Variants in ATP5PF observed in about 807,000 individuals in gnomAD.
ATP5PF encodes ATP synthase peripheral stalk subunit F6, mitochondrial.
Under a neutral mutation model 12.0 loss-of-function variants are expected in ATP5PF, and 7 were observed. The ratio of observed to expected loss-of-function variants is 0.58; its 90% CI spans 0.33 to 1.10. ATP5PF has a LOEUF of 1.10. Ranked by LOEUF, ATP5PF falls within the 50% of genes least tolerant of loss-of-function variation. ATP5PF has a pLI of 0.03. For synonymous variants in ATP5PF, 41 were observed against 45.4 expected (o/e 0.90, Z 0.39); for missense variants, 120 against 127.7 (o/e 0.94, Z 0.29).
chr21:25,729,634 C>T lies in ATP5PF; in HGVS notation c.161G>A (p.Arg54Gln). The T allele has an allele frequency of 4.4e-6, 7 of 1,606,064 alleles. No homozygotes were observed. Among genetic ancestry groups the T allele is most frequent in the East Asian group, 2.2e-5 (1 of 44,808 alleles). ...VDKIREYKSK[R>Q]QTSGGPVDAS... ...CTGTAGTTATTTATTCACTTACTGT[C>T]GCTTAGATTTGTATTCTCTAATCTT... is the stretch of plus-strand genomic sequence containing the variant. The change falls in exon 2 of 4, where the codon CGA becomes CAA. Residue 54 changes from arginine (R) to glutamine (Q), a missense_variant. Coordinates refer to ENST00000284971, the MANE Select transcript of ATP5PF (RefSeq NM_001003703.2).
At chr21:25,731,319 C>G (rs969475115) in intron 1 of ATP5PF, among the ~76,000 whole-genome samples, 3 of 152,144 alleles carry the variant, frequency 2.0e-5, no homozygotes, top group African/African-American at 7.2e-5. Flanking sequence ...AAGGCCGAGT[C>G]TATAAACTGA....
intron 1 of ATP5PF, among the ~76,000 whole-genome samples, chr21:25,733,702 TTCCATATATA>T (rs2034881720): frequency 6.6e-6 from 1 of 152,220 alleles, no homozygotes; most frequent in Non-Finnish European, 1.5e-5. Flanking sequence ...TGCAAAGTAC[TTCCATATATA>T]TCCTTTCCTT....
chr21:25,733,028 A>G lies in ATP5PF; in HGVS notation c.-8+1825T>C, dbSNP rs546930813. Reference sequence around the variant, plus strand: ...AAAAAAAAAAGAAATCCTACTATCAATGCAATCAACAAAATATGCTTCACC... The same window carrying G: ...AAAAAAAAAAGAAATCCTACTATCAGTGCAATCAACAAAATATGCTTCACC... On this transcript the variant is annotated intron_variant, in intron 1 of 3. Coordinates refer to ENST00000284971, the MANE Select transcript of ATP5PF (RefSeq NM_001003703.2). 1.4e-3 allele frequency among the ~76,000 whole-genome samples: 205 copies of G among 151,302 alleles called. 12 individuals carry two copies. In the South Asian group the frequency reaches 0.041, roughly 30 times the overall value.
chr21:25,728,556 A>G (rs2034676309), intron 2 of ATP5PF, among the ~76,000 whole-genome samples: 1 of 152,116 alleles, frequency 6.6e-6, no homozygotes, highest in African/African-American at 2.4e-5. Context: ...CCTAGAGTAA[A>G]CCCCTGGGTG....
chr21:25,734,715 G>A lies in ATP5PF; in HGVS notation c.-8+138C>T, dbSNP rs1183179597. On this transcript the variant is annotated intron_variant, in intron 1 of 3. Transcript: ENST00000284971. ...AAACGTAGAGGTCAGCTGTGACCCC[G>A]GGCCAGGCCGTGAAGGTCCCCAGGA... 8.2e-6 allele frequency: 7 copies of A among 856,128 alleles called. No individual in the cohort carries two copies. The Admixed American group carries it at 1.1e-4, about 14-fold the overall frequency. The allele number at this position is 856,128 out of a possible 1,614,324, so 53.0% of individuals were successfully genotyped here.
At chr21:25,724,793 T>G in intron 3 of ATP5PF, 116 bp from the exon 4 acceptor site, 1 of 1,024,610 alleles carries the variant, frequency 9.8e-7, no homozygotes, top group Admixed American at 2.7e-5. Flanking sequence ...ACACTGTTTG[T>G]AAACATTTAC....
At chr21:25,727,932 C>T (rs531122920) in intron 2 of ATP5PF, among the ~76,000 whole-genome samples, 2 of 152,288 alleles carry the variant, frequency 1.3e-5, no homozygotes, top group South Asian at 4.1e-4. Context: ...TAACTTACTA[C>T]ATTTTAATCC....
chr21:25,727,137 T>C (rs2034639490), intron 2 of ATP5PF, among the ~76,000 whole-genome samples: 1 of 152,196 alleles, frequency 6.6e-6, no homozygotes, highest in Non-Finnish European at 1.5e-5. Flanking sequence ...TAATTGTAAT[T>C]AGAATTTGAA....
At position 25,732,692 on chromosome 21, in the gene ATP5PF, G is replaced by A. The variant is rs549454646; in HGVS notation, c.-8+2161C>T. ...AAGAAATCCTACAATCAGGCCGGGC[G>A]TGATGGCTCACGCCTGTAATCCCAG... On this transcript the variant is annotated intron_variant, in intron 1 of 3. Coordinates refer to ENST00000284971, the MANE Select transcript of ATP5PF (RefSeq NM_001003703.2). 5.9e-5 allele frequency among the ~76,000 whole-genome samples: 9 copies of A among 151,546 alleles called. No individual in the cohort carries two copies. In the South Asian group the frequency reaches 8.4e-4, roughly 14 times the overall value.
intron 2 of ATP5PF, among the ~76,000 whole-genome samples, chr21:25,727,982 C>T (rs2034661753): frequency 6.6e-6 from 1 of 152,138 alleles, no homozygotes; most frequent in African/African-American, 2.4e-5. Flanking sequence ...AATGGTAACA[C>T]CTTTGTTAGT....
intron 3 of ATP5PF, chr21:25,725,018 C>T (rs2034578748): frequency 1.5e-6 from 1 of 666,254 alleles, no homozygotes; most frequent in Non-Finnish European, 2.4e-6. Context: ...GATTTCAGAT[C>T]CCCACCATTT....
intron 1 of ATP5PF, among the ~76,000 whole-genome samples, chr21:25,731,173 C>T (rs1305958706): frequency 2.0e-5 from 3 of 151,984 alleles, no homozygotes; most frequent in Admixed American, 6.6e-5. Flanking sequence ...ACTCAGGAGG[C>T]GGAGGCTGCA....
intron 3 of ATP5PF, 150 bp downstream of exon 3, chr21:25,725,076 A>G: frequency 9.5e-7 from 1 of 1,052,708 alleles, no homozygotes; most frequent in East Asian, 2.5e-5. Flanking sequence ...TCTAACAGCA[A>G]ACATTTAGCC....
chr21:25,724,687 G>C lies in ATP5PF; in HGVS notation c.290-10C>G. 1 of 1,592,192 alleles carries C rather than the reference G, an allele frequency of 6.3e-7. No individual in the cohort carries two copies. The highest frequency in any genetic ancestry group is 8.5e-7 in the Non-Finnish European group (1 of 1,174,196). On this transcript the variant is annotated splice_polypyrimidine_tract_variant and intron_variant, in intron 3 of 3. Transcript: ENST00000284971. ...ACTTCAAATTTGGGATCTAAGAAGA[G>C]GGGGAAAAAAGGGTCAAGCTTAGCC... is the stretch of plus-strand genomic sequence containing the variant.
At chr21:25,734,651 G>T in intron 1 of ATP5PF, 1 of 493,648 alleles carries the variant, frequency 2.0e-6, no homozygotes, top group Non-Finnish European at 3.3e-6. Flanking sequence ...AGAGGGTATC[G>T]ATCTTATTTC....
intron 1 of ATP5PF, chr21:25,734,371 T>C: frequency 2.0e-6 from 2 of 988,168 alleles, no homozygotes; most frequent in Non-Finnish European, 2.4e-6. Flanking sequence ...CTTCAGTGCA[T>C]ATTCCTATGA....
chr21:25,728,070 G>T (rs1266199848), intron 2 of ATP5PF, among the ~76,000 whole-genome samples: 2 of 152,100 alleles, frequency 1.3e-5, no homozygotes, highest in Non-Finnish European at 2.9e-5. Flanking sequence ...CCAGGCATCA[G>T]TGTTTCAATG....
At chr21:25,725,417 C>A in intron 2 of ATP5PF, 67 bp from the exon 3 acceptor site, 2 of 1,432,978 alleles carry the variant, frequency 1.4e-6, no homozygotes, top group South Asian at 1.4e-5. Context: ...AATTACTTTT[C>A]ACCACCACAT....
chr21:25,725,359 TA>T lies in ATP5PF; in HGVS notation c.165-10del. On this transcript the variant is annotated splice_polypyrimidine_tract_variant and intron_variant, in intron 2 of 3. Transcript: ENST00000284971. ...CAGGTCCTCCAGATGTCCTGTTAAG[TA>T]AATGAGCAAACAAAAATTAATTTTG... The T allele has an allele frequency of 6.4e-7, 1 of 1,566,872 alleles. No individual in the cohort carries two copies. The highest frequency in any genetic ancestry group is 8.6e-7 in the Non-Finnish European group (1 of 1,162,466).
Sources: allele counts gnomAD v4.1 joint callset (sites outside exome capture counted in the v4.1 genomes callset), GRCh38; gene constraint gnomAD v4.1.1; transcripts MANE v1.5; gene names NCBI Gene and HGNC (gene_info 2026-07-23, HGNC 2026-07-21).